The following ADAMTS7 variants were observed in gnomAD, a reference collection of about 807,000 sequenced individuals.
The protein encoded by ADAMTS7 is A disintegrin and metalloproteinase with thrombospondin motifs 7.
In ADAMTS7, 89 loss-of-function variants were observed where a neutral mutation model predicts 172.6. The observed-to-expected ratio is 0.52, with a 90% CI of 0.43 to 0.61. The LOEUF (loss-of-function observed/expected upper bound fraction) is 0.61, where lower values mean the gene tolerates loss of function less well. Among genes scored for constraint, ADAMTS7 ranks in the 20% least tolerant of loss-of-function variants. The pLI is 0.00. For missense variants in ADAMTS7, 1,973 were observed against 2,355.6 expected, an observed-to-expected ratio of 0.84 and a Z score of 3.36; for synonymous variants, 885 against 978.4, an observed-to-expected ratio of 0.90 and a Z score of 1.78.
intron 4 of ADAMTS7, among the ~76,000 whole-genome samples, chr15:78,791,764 C>T (rs928454654): frequency 4.6e-5 from 7 of 152,168 alleles, no homozygotes; most frequent in African/African-American, 1.7e-4. Flanking sequence ...TGGAGCCTGC[C>T]CACTGCTCTG....
Position 78,780,183 on chromosome 15 carries a change from C to A in ADAMTS7, c.1323-2595G>T, listed in dbSNP as rs560789327. On this transcript the variant is annotated intron_variant, in intron 8 of 23. Coordinates refer to ENST00000388820, the MANE Select transcript of ADAMTS7 (RefSeq NM_014272.5). ...GGCAGGCTCACTGCCAGGTCCTCTG[C>A]GCTGCCGACACACCCGGATCCCCAA... 2.7e-3 allele frequency among the ~76,000 whole-genome samples: 399 copies of A among 147,026 alleles called. 1 individual carries two copies. The highest frequency in any genetic ancestry group is 9.8e-3 in the African/African-American group (388 of 39,640).
intron 4 of ADAMTS7, among the ~76,000 whole-genome samples, chr15:78,792,273 C>T (rs1480971253): frequency 2.6e-5 from 4 of 152,122 alleles, no homozygotes; most frequent in African/African-American, 9.7e-5. Flanking sequence ...TACAACCAAC[C>T]AATTTTTGCC....
intron 8 of ADAMTS7, among the ~76,000 whole-genome samples, chr15:78,782,436 C>A (rs1406544886): frequency 7.1e-6 from 1 of 140,238 alleles, no homozygotes; most frequent in Non-Finnish European, 1.5e-5. Flanking sequence ...GCTCTTACAT[C>A]CCTAATGGAC....
chr15:78,797,611 C>T (rs1255820538), intron 3 of ADAMTS7, among the ~76,000 whole-genome samples: 2 of 152,180 alleles, frequency 1.3e-5, no homozygotes, highest in East Asian at 3.9e-4. Context: ...GCTCACCCGG[C>T]CTGGGCACTG....
chr15:78,798,803 AAAG>A (rs2055680488), intron 2 of ADAMTS7, among the ~76,000 whole-genome samples: 1 of 152,196 alleles, frequency 6.6e-6, no homozygotes, highest in African/African-American at 2.4e-5. Context: ...CTCCAACAGG[AAAG>A]AAGGTTTTAT....
intron 23 of ADAMTS7, among the ~76,000 whole-genome samples, chr15:78,760,458 G>A (rs1451251557): frequency 2.6e-5 from 4 of 152,066 alleles, no homozygotes; most frequent in Non-Finnish European, 5.9e-5. Flanking sequence ...GCCCGGCAGA[G>A]GGCACGAGGC....
chr15:78,774,314 T>A lies in ADAMTS7; in HGVS notation c.1877-14A>T. 3.9e-6 allele frequency: 6 copies of A among 1,554,040 alleles called. No homozygotes were observed. Among genetic ancestry groups the A allele is most frequent in the Non-Finnish European group, 5.2e-6 (6 of 1,157,902 alleles). ...CGCAGGGGTTCACTGAGGGCCCAAG[T>A]AGAAGAGTCATCAGCAACAGCTGGG... On this transcript the variant is annotated splice_polypyrimidine_tract_variant and intron_variant, in intron 12 of 23. Coordinates refer to ENST00000388820, the MANE Select transcript of ADAMTS7 (RefSeq NM_014272.5).
At chr15:78,797,473 G>C (rs545632379) in intron 3 of ADAMTS7, among the ~76,000 whole-genome samples, 1 of 152,354 alleles carries the variant, frequency 6.6e-6, no homozygotes. Flanking sequence ...CACTACTGCT[G>C]CTCTGCAGAG....
At chr15:78,784,362 G>T (rs2904220) in intron 8 of ADAMTS7, among the ~76,000 whole-genome samples, 45,845 of 123,888 alleles carry the variant, frequency 0.37, 8,429 homozygotes, top group Middle Eastern at 0.53. Context: ...GAGACTCAAA[G>T]AAAGAAAGAA....
At chr15:78,784,010 TG>T (rs1461649026) in intron 8 of ADAMTS7, among the ~76,000 whole-genome samples, 3 of 151,814 alleles carry the variant, frequency 2.0e-5, no homozygotes, top group African/African-American at 4.8e-5. Context: ...AAAAGTAGAA[TG>T]AAAAAAATGA....
At chr15:78,798,265 C>G (rs1340363737) in intron 2 of ADAMTS7, 152 bp from the exon 3 acceptor site, 6 of 671,364 alleles carry the variant, frequency 8.9e-6, no homozygotes, top group African/African-American at 7.7e-5. Context: ...CCCGCTGGGC[C>G]TTTGCTCACT....
chr15:78,779,259 C>T (rs914365776), intron 8 of ADAMTS7, among the ~76,000 whole-genome samples: 12 of 152,180 alleles, frequency 7.9e-5, no homozygotes, highest in Non-Finnish European at 4.4e-5. Flanking sequence ...TGATCACATG[C>T]CAGGCTGGTC....
At chr15:78,805,313 A>C (rs1287657162) in intron 1 of ADAMTS7, among the ~76,000 whole-genome samples, 4 of 152,214 alleles carry the variant, frequency 2.6e-5, no homozygotes, top group African/African-American at 9.6e-5. Context: ...AAATATTGAA[A>C]AACGTTTTAG....
intron 7 of ADAMTS7, 143 bp downstream of exon 7, chr15:78,789,546 G>A: frequency 8.6e-7 from 1 of 1,158,316 alleles, no homozygotes; most frequent in Non-Finnish European, 1.2e-6. Flanking sequence ...CAGTGCAGGG[G>A]CAGCACATGG....
rs192470342 is a variant in ADAMTS7 at position 78,810,068 on chromosome 15, A to G, written c.100+1053T>C. Among the ~76,000 whole-genome samples, 504 of 152,248 alleles carry G rather than the reference A, an allele frequency of 3.3e-3. 5 individuals are homozygous for G. Among genetic ancestry groups the G allele is most frequent in the African/African-American group, 0.011 (458 of 41,554 alleles). On this transcript the variant is annotated intron_variant, in intron 1 of 23. Transcript: ENST00000388820. ...CAATGTCCCCATCCTTCCCGCCCAG[A>G]CTACTTTCTCGTCACAATCCCTCCA...
At chr15:78,764,809 G>A in intron 19 of ADAMTS7, 102 bp from the exon 20 acceptor site, 1 of 1,280,860 alleles carries the variant, frequency 7.8e-7, no homozygotes. Flanking sequence ...CAGCAAGACA[G>A]GGGCCCTCTT....
In ADAMTS7 at chr15:78,776,108, A is replaced by G. The variant is rs561180552; in HGVS notation, c.1706+80T>C. 94 of 1,480,774 alleles carry G rather than the reference A, an allele frequency of 6.3e-5. 1 individual carries two copies. The African/African-American group carries it at 1.2e-3, about 18-fold the overall frequency. The allele number at this position is 1,480,774 out of a possible 1,614,324, so 91.7% of individuals were successfully genotyped here. A position where few individuals can be genotyped will look rare whatever the true frequency, so the allele number is the denominator to read the frequency against. ...ACTTCTAAGAGCCAGGGGCTGGGAC[A>G]GAGCCAAGCTCCTGCAATCGGCTGA... On this transcript the variant is annotated intron_variant, in intron 11 of 23. Transcript: ENST00000388820.
At position 78,764,633 on chromosome 15, in the gene ADAMTS7, G is replaced by T. The variant is rs767208838; in HGVS notation, c.4341C>A (p.Ala1447=). 1 of 1,560,198 alleles carries T rather than the reference G, an allele frequency of 6.4e-7. No homozygotes were observed. The highest frequency in any genetic ancestry group is 1.9e-5 in the Admixed American group (1 of 53,576). Residue 1447 remains alanine, a synonymous_variant, in exon 20 of 24, where the codon GCC becomes GCA. Coordinates refer to ENST00000388820, the MANE Select transcript of ADAMTS7 (RefSeq NM_014272.5). ...RCSSGRDEDC[A]PAGRPQPARR... ...GGGCAGGCTGGGGCCGGCCAGCGGGGGCGCAGTCCTCATCCCGGCCGGAGC... is the reference window on the plus strand; with the variant it reads ...GGGCAGGCTGGGGCCGGCCAGCGGGTGCGCAGTCCTCATCCCGGCCGGAGC...
At chr15:78,802,344 GATT>G (rs1567242648) in intron 1 of ADAMTS7, among the ~76,000 whole-genome samples, 1 of 152,158 alleles carries the variant, frequency 6.6e-6, no homozygotes. Flanking sequence ...TGATTGTTAT[GATT>G]ATTATTAGCC....
Sources: allele counts gnomAD v4.1 joint callset (sites outside exome capture counted in the v4.1 genomes callset), GRCh38; gene constraint gnomAD v4.1.1; transcripts MANE v1.5; gene names NCBI Gene and HGNC (gene_info 2026-07-23, HGNC 2026-07-21).